Variants in PDE11A observed in about 807,000 individuals in gnomAD.
PDE11A encodes phosphodiesterase 11A, also known as dual 3',5'-cyclic-AMP and -GMP phosphodiesterase 11A.
Under a neutral mutation model 100.5 loss-of-function variants are expected in PDE11A, and 100 were observed. That is an observed-to-expected ratio of 1.00 (90% CI 0.85 to 1.18). PDE11A has a LOEUF of 1.18. PDE11A is among the 50% of genes most tolerant of loss of function. PDE11A has a pLI of 0.00. For synonymous variants in PDE11A, 381 were observed against 420.8 expected, an observed-to-expected ratio of 0.91 and a Z score of 1.16; for missense variants, 1,141 against 1,152.6, an observed-to-expected ratio of 0.99 and a Z score of 0.15.
At chr2:178,016,131 A>AT (rs55638601) in intron 1 of PDE11A, among the ~76,000 whole-genome samples, 41,702 of 83,578 alleles carry the variant, frequency 0.5, 11,796 homozygotes, top group Admixed American at 0.63. Flanking sequence ...TGCCTGGCTA[A>AT]TTTTTTTTTT....
chr2:177,768,778 G>A lies in PDE11A; in HGVS notation c.1788+545C>T, dbSNP rs957741693. Among the ~76,000 whole-genome samples, 8 of 152,302 alleles carry A rather than the reference G, an allele frequency of 5.3e-5. No homozygotes were observed. In the South Asian group the frequency reaches 1.2e-3, roughly 24 times the overall value. The stretch of plus-strand genomic sequence containing the variant: ...CAGTTCTGGGACCAGATTGTCATAC[G>A]TCTTACAATTGTTTGACCTTGGCCT... On this transcript the variant is annotated intron_variant, in intron 10 of 19. Transcript: ENST00000286063.
intron 4 of PDE11A, among the ~76,000 whole-genome samples, chr2:177,877,945 C>T (rs1390222221): frequency 6.6e-6 from 1 of 152,004 alleles, no homozygotes; most frequent in Non-Finnish European, 1.5e-5. Context: ...TAACCACTTA[C>T]AAGGAATTGA....
chr2:177,844,544 T>C (rs1389208991), intron 5 of PDE11A, among the ~76,000 whole-genome samples: 1 of 151,762 alleles, frequency 6.6e-6, no homozygotes, highest in African/African-American at 2.4e-5. Flanking sequence ...AATTAATTAA[T>C]TTATTTATTT....
chr2:177,988,078 G>A (rs116504231), intron 2 of PDE11A, among the ~76,000 whole-genome samples: 205 of 152,282 alleles, frequency 1.3e-3, no homozygotes, highest in African/African-American at 4.6e-3. Context: ...TAAGTTTTGT[G>A]AGAATCTTCA....
intron 2 of PDE11A, among the ~76,000 whole-genome samples, chr2:178,004,413 C>A (rs552171578): frequency 1.3e-5 from 2 of 152,266 alleles, no homozygotes; most frequent in South Asian, 4.2e-4. Context: ...TTTCAGCATT[C>A]TAAGATGAAA....
intron 10 of PDE11A, among the ~76,000 whole-genome samples, chr2:177,729,356 C>A (rs528736561): frequency 4.6e-5 from 7 of 152,236 alleles, no homozygotes; most frequent in Admixed American, 2.6e-4. Context: ...CAGTCTAGAC[C>A]AACTATCTTA....
intron 10 of PDE11A, among the ~76,000 whole-genome samples, chr2:177,748,254 AAACATTTTGCCTC>A (rs988299299): frequency 2.6e-5 from 4 of 152,176 alleles, no homozygotes; most frequent in African/African-American, 9.7e-5. Flanking sequence ...CACTGAGAGG[AAACATTTTGCCTC>A]CATGAGGATG....
chr2:178,039,055 A>T (rs1188416027), intron 1 of PDE11A: 2 of 152,210 alleles, frequency 1.3e-5, no homozygotes, highest in Non-Finnish European at 2.9e-5. Flanking sequence ...TCATTCTACC[A>T]TAAAGGCATG....
intron 1 of PDE11A, among the ~76,000 whole-genome samples, chr2:178,019,851 G>A (rs1044021901): frequency 1.1e-4 from 17 of 152,164 alleles, no homozygotes; most frequent in African/African-American, 4.1e-4. Context: ...TGGAATGGGG[G>A]AGATTGAGAT....
intron 19 of PDE11A, among the ~76,000 whole-genome samples, chr2:177,636,241 A>G (rs1184473500): frequency 6.6e-6 from 1 of 152,148 alleles, no homozygotes; most frequent in Non-Finnish European, 1.5e-5. Context: ...AGGATACACA[A>G]ATCTAGAATT....
At chr2:177,744,460 C>T (rs1268905108) in intron 10 of PDE11A, among the ~76,000 whole-genome samples, 4 of 151,994 alleles carry the variant, frequency 2.6e-5, no homozygotes, top group African/African-American at 7.3e-5. Context: ...AAGGACATCT[C>T]GCACCTGCCT....
intron 2 of PDE11A, among the ~76,000 whole-genome samples, chr2:177,979,540 T>C (rs2085853868): frequency 6.7e-6 from 1 of 149,710 alleles, no homozygotes; most frequent in African/African-American, 2.4e-5. Flanking sequence ...GTCTCAATTC[T>C]GTGGAATCCA....
intron 9 of PDE11A, among the ~76,000 whole-genome samples, chr2:177,804,384 A>C (rs763167539): frequency 1.4e-4 from 22 of 152,102 alleles, no homozygotes; most frequent in Non-Finnish European, 3.1e-4. Flanking sequence ...ATGAGATACC[A>C]TTTTACACCA....
chr2:177,916,084 C>T (rs1322445455), intron 2 of PDE11A, among the ~76,000 whole-genome samples: 1 of 152,282 alleles, frequency 6.6e-6, no homozygotes, highest in Middle Eastern at 3.4e-3. Flanking sequence ...GAAACTTTGG[C>T]TTCCATGGAC....
chr2:177,839,629 C>T (rs1302292247), intron 6 of PDE11A, among the ~76,000 whole-genome samples: 1 of 152,154 alleles, frequency 6.6e-6, no homozygotes, highest in South Asian at 2.1e-4. Context: ...ATCTCCTTAC[C>T]CTTCCTCACC....
At chr2:177,963,110 G>A (rs1322224911) in intron 2 of PDE11A, among the ~76,000 whole-genome samples, 2 of 152,182 alleles carry the variant, frequency 1.3e-5, no homozygotes, top group Non-Finnish European at 2.9e-5. Flanking sequence ...TAGGCTTTCT[G>A]TATCTATGTC....
intron 15 of PDE11A, among the ~76,000 whole-genome samples, chr2:177,696,567 C>T (rs16865645): frequency 0.14 from 21,712 of 151,870 alleles, 1,568 homozygotes; most frequent in South Asian, 0.21. Flanking sequence ...TGATAGAGTG[C>T]GGAGATGGAC....
intron 2 of PDE11A, among the ~76,000 whole-genome samples, chr2:177,966,795 G>A (rs2085703368): frequency 6.6e-6 from 1 of 152,060 alleles, no homozygotes; most frequent in South Asian, 2.1e-4. Context: ...TGTTCATCAG[G>A]GATGTATGCC....
intron 12 of PDE11A, among the ~76,000 whole-genome samples, chr2:177,725,394 T>A (rs2081585818): frequency 6.6e-6 from 1 of 152,126 alleles, no homozygotes; most frequent in Non-Finnish European, 1.5e-5. Context: ...GAAAATACTA[T>A]CTTTTCCAGA....
Sources: allele counts gnomAD v4.1 joint callset (sites outside exome capture counted in the v4.1 genomes callset), GRCh38; gene constraint gnomAD v4.1.1; transcripts MANE v1.5; gene names NCBI Gene and HGNC (gene_info 2026-07-23, HGNC 2026-07-21).